PTPRT: variants seen among roughly 807,000 people sequenced by gnomAD.
PTPRT encodes the protein receptor-type tyrosine-protein phosphatase T.
PTPRT carries 56 observed loss-of-function variants against 176.8 expected under a neutral mutation model. The ratio of observed to expected loss-of-function variants is 0.32; its 90% CI spans 0.26 to 0.40. The LOEUF (loss-of-function observed/expected upper bound fraction) is 0.40. Ranked by LOEUF, PTPRT falls within the 10% of genes least tolerant of loss-of-function variation. The pLI, the probability that PTPRT is intolerant of heterozygous loss-of-function variation, is 1.00. For missense variants in PTPRT, 1,540 were observed against 1,908.2 expected, an observed-to-expected ratio of 0.81 and a Z score of 3.60; for synonymous variants, 783 against 739.0, an observed-to-expected ratio of 1.06 and a Z score of -0.96.
intron 6 of PTPRT, among the ~76,000 whole-genome samples, chr20:42,715,616 T>A (rs1015765065): frequency 6.6e-6 from 1 of 152,142 alleles, no homozygotes. Flanking sequence ...GAACAATGGA[T>A]ACATATACAC....
chr20:42,765,244 C>A (rs562270319), intron 5 of PTPRT, among the ~76,000 whole-genome samples: 1 of 152,310 alleles, frequency 6.6e-6, no homozygotes, highest in East Asian at 1.9e-4. Flanking sequence ...GCCTGAGAGT[C>A]AGCTCCATGG....
At chr20:42,345,618 G>GTATA (rs376535646) in intron 11 of PTPRT, among the ~76,000 whole-genome samples, 2 of 105,646 alleles carry the variant, frequency 1.9e-5, no homozygotes, top group African/African-American at 7.2e-5. Flanking sequence ...GTGTGTGTGT[G>GTATA]TATATATATG....
intron 11 of PTPRT, among the ~76,000 whole-genome samples, chr20:42,345,925 C>T (rs1024606490): frequency 3.9e-5 from 6 of 152,096 alleles, no homozygotes; most frequent in Non-Finnish European, 8.8e-5. Flanking sequence ...GAAGCCTGTA[C>T]TTAATGCAAT....
At chr20:42,430,884 A>T (rs1432335278) in intron 9 of PTPRT, among the ~76,000 whole-genome samples, 1 of 152,218 alleles carries the variant, frequency 6.6e-6, no homozygotes, top group East Asian at 1.9e-4. Flanking sequence ...CCCAGACATG[A>T]TGACTGGCAT....
At chr20:42,955,378 T>C (rs1472589793) in intron 1 of PTPRT, among the ~76,000 whole-genome samples, 1 of 152,268 alleles carries the variant, frequency 6.6e-6, no homozygotes, top group African/African-American at 2.4e-5. Flanking sequence ...CCACACTTGC[T>C]TTTTATGTTT....
chr20:42,474,854 G>A (rs1160455462), intron 7 of PTPRT, among the ~76,000 whole-genome samples: 1 of 152,080 alleles, frequency 6.6e-6, no homozygotes, highest in Non-Finnish European at 1.5e-5. Context: ...GAGAGCCACT[G>A]CCCCTGCTCA....
intron 2 of PTPRT, among the ~76,000 whole-genome samples, chr20:42,868,798 C>T (rs2078794748): frequency 1.3e-5 from 2 of 152,186 alleles, no homozygotes; most frequent in Non-Finnish European, 2.9e-5. Context: ...CCCAGAATGC[C>T]ATGGCCTGGG....
At chr20:42,141,882 C>A (rs529966912) in intron 18 of PTPRT, 33 bp downstream of exon 18, 2 of 1,575,254 alleles carry the variant, frequency 1.3e-6, no homozygotes, top group East Asian at 4.5e-5. Flanking sequence ...TCCTCAACAC[C>A]TGAAGCTTAG....
chr20:42,794,549 C>CT (rs2077425614), intron 2 of PTPRT, among the ~76,000 whole-genome samples: 1 of 152,156 alleles, frequency 6.6e-6, no homozygotes, highest in African/African-American at 2.4e-5. Flanking sequence ...GCTCAAGAGC[C>CT]TAGGAGAGGG....
At chr20:42,598,430 G>C (rs758460371) in intron 7 of PTPRT, among the ~76,000 whole-genome samples, 50 of 152,042 alleles carry the variant, frequency 3.3e-4, no homozygotes, top group Admixed American at 1.3e-4. Context: ...GAGAGTATTG[G>C]TTTGTAAAAT....
intron 15 of PTPRT, among the ~76,000 whole-genome samples, chr20:42,208,937 A>T (rs2055545481): frequency 6.6e-6 from 1 of 152,228 alleles, no homozygotes; most frequent in Non-Finnish European, 1.5e-5. Context: ...AGAAATTATA[A>T]CAAACTATCT....
At position 42,197,085 on chromosome 20, in the gene PTPRT, A is replaced by C. The variant is rs376364145; in HGVS notation, c.2491+2155T>G. Among the ~76,000 whole-genome samples the C allele has an allele frequency of 1.2e-4, 19 of 152,270 alleles. No homozygotes were observed. In the East Asian group the frequency reaches 1.7e-3, roughly 14 times the overall value. ...CTGCAGGACGACAGCCCTAGACTTT[A>C]AAAAAATGTCAAGGCTGGGTGTGGT... On this transcript the variant is annotated intron_variant, in intron 16 of 30. Transcript: ENST00000373187.
intron 2 of PTPRT, among the ~76,000 whole-genome samples, chr20:42,859,750 AT>A (rs61194810): frequency 2.6e-3 from 369 of 142,576 alleles, no homozygotes; most frequent in Middle Eastern, 7.3e-3. Context: ...TGGCCGGCTA[AT>A]TTTTTTTTTT....
At position 42,508,127 on chromosome 20, in the gene PTPRT, T is replaced by TGTGTGTGTGTGTGTGTGTGTGTGTG. The variant is rs1555871976; in HGVS notation, c.1154-35566_1154-35565insCACACACACACACACACACACACAC. On this transcript the variant is annotated intron_variant, in intron 7 of 30. Coordinates refer to ENST00000373187, the MANE Select transcript of PTPRT (RefSeq NM_007050.6). ...TTAATAAAATCAGTAATTACCCTTT[T>TGTGTGTGTGTGTGTGTGTGTGTGTG]TGTGTGTGTGTGTGTGTGTGTGTAT... Among the ~76,000 whole-genome samples the TGTGTGTGTGTGTGTGTGTGTGTGTG allele has an allele frequency of 4.6e-4, 67 of 146,698 alleles. 1 individual carries two copies. Among genetic ancestry groups the TGTGTGTGTGTGTGTGTGTGTGTGTG allele is most frequent in the African/African-American group, 1.6e-3 (63 of 38,608 alleles).
chr20:42,261,730 C>T lies in PTPRT; in HGVS notation c.2177-12908G>A, dbSNP rs547357976. The stretch of plus-strand genomic sequence containing the variant: ...CTGCATAGCAGGGTGCACCAGAGGC[C>T]GAGGCTCCCCTAGGCTCATACTCAG... On this transcript the variant is annotated intron_variant, in intron 13 of 30. Coordinates refer to ENST00000373187, the MANE Select transcript of PTPRT (RefSeq NM_007050.6). Among the ~76,000 whole-genome samples, 6 of 152,210 alleles carry T rather than the reference C, an allele frequency of 3.9e-5. No homozygotes were observed. In the East Asian group the frequency reaches 5.8e-4, roughly 15 times the overall value.
chr20:42,278,073 C>CTA (rs777694770), intron 13 of PTPRT, among the ~76,000 whole-genome samples: 25 of 39,246 alleles, frequency 6.4e-4, no homozygotes, highest in South Asian at 1.4e-3. Flanking sequence ...TGTAAGTAGA[C>CTA]TATATATATA....
At chr20:42,231,537 G>A (rs866329972) in intron 15 of PTPRT, among the ~76,000 whole-genome samples, 7 of 152,094 alleles carry the variant, frequency 4.6e-5, no homozygotes, top group Admixed American at 1.3e-4. Context: ...TATAGGGTGC[G>A]CCTTATTCAC....
chr20:42,857,803 A>G (rs1410331836), intron 2 of PTPRT, among the ~76,000 whole-genome samples: 1 of 152,192 alleles, frequency 6.6e-6, no homozygotes, highest in Non-Finnish European at 1.5e-5. Flanking sequence ...TGTAGCCCAC[A>G]AGCAAGAGTT....
At chr20:42,933,081 C>T (rs1979965982) in intron 1 of PTPRT, among the ~76,000 whole-genome samples, 1 of 152,146 alleles carries the variant, frequency 6.6e-6, no homozygotes, top group Admixed American at 6.5e-5. Flanking sequence ...TAATCTGGCC[C>T]TCAGGCTCTT....
Sources: allele counts gnomAD v4.1 joint callset (sites outside exome capture counted in the v4.1 genomes callset), GRCh38; gene constraint gnomAD v4.1.1; transcripts MANE v1.5; gene names NCBI Gene and HGNC (gene_info 2026-07-23, HGNC 2026-07-21).